Variants in RBMS3 observed in about 807,000 individuals in gnomAD.
RBMS3 encodes the protein RNA-binding motif, single-stranded-interacting protein 3.
Under a neutral mutation model 66.8 loss-of-function variants are expected in RBMS3, and 27 were observed. That is an observed-to-expected ratio of 0.40 (90% CI 0.30 to 0.56). The LOEUF (loss-of-function observed/expected upper bound fraction) is 0.56, where lower values mean the gene tolerates loss of function less well. Among genes scored for constraint, RBMS3 ranks in the 20% least tolerant of loss-of-function variants. The probability of loss-of-function intolerance (pLI) is 0.40; values close to 1 mark genes in which losing one functional copy is unlikely to be tolerated. For synonymous variants in RBMS3, 188 were observed against 183.0 expected (o/e 1.03, Z -0.22); for missense variants, 513 against 549.5 (o/e 0.93, Z 0.66).
chr3:29,856,606 T>C (rs2059083492), intron 6 of RBMS3, among the ~76,000 whole-genome samples: 1 of 152,194 alleles, frequency 6.6e-6, no homozygotes, highest in South Asian at 2.1e-4. Context: ...TCACTCCCAG[T>C]GGAAAAATTG....
intron 12 of RBMS3, among the ~76,000 whole-genome samples, chr3:29,982,758 T>C (rs1698080933): frequency 6.6e-6 from 1 of 152,240 alleles, no homozygotes; most frequent in African/African-American, 2.4e-5. Flanking sequence ...TCTAATTTGA[T>C]TGCACTGTGG....
At chr3:29,395,966 G>GAA (rs2125654612) in intron 1 of RBMS3, among the ~76,000 whole-genome samples, 1 of 152,290 alleles carries the variant, frequency 6.6e-6, no homozygotes, top group Non-Finnish European at 1.5e-5. Context: ...TGAGGAGCAA[G>GAA]ATATTTGCAT....
chr3:29,984,281 T>C (rs35690812), intron 12 of RBMS3, among the ~76,000 whole-genome samples: 26,370 of 151,884 alleles, frequency 0.17, 2,732 homozygotes, highest in East Asian at 0.37. Flanking sequence ...ATGTTCTTTT[T>C]TAAACGGGTT....
intron 4 of RBMS3, among the ~76,000 whole-genome samples, chr3:29,665,069 T>C (rs1293892211): frequency 6.6e-6 from 1 of 152,182 alleles, no homozygotes; most frequent in Non-Finnish European, 1.5e-5. Context: ...TAATACCAGC[T>C]AAAGGAGTGT....
intron 6 of RBMS3, among the ~76,000 whole-genome samples, chr3:29,855,141 T>C (rs567883089): frequency 6.6e-6 from 1 of 152,350 alleles, no homozygotes; most frequent in Admixed American, 6.5e-5. Flanking sequence ...TACATGCTAC[T>C]CTATGCCAGA....
intron 4 of RBMS3, among the ~76,000 whole-genome samples, chr3:29,726,712 A>C (rs769251122): frequency 6.6e-6 from 1 of 152,168 alleles, no homozygotes; most frequent in Non-Finnish European, 1.5e-5. Flanking sequence ...GAGCAGACAC[A>C]AACAAATGGA....
intron 1 of RBMS3, chr3:29,391,054 G>C: frequency 2.6e-6 from 1 of 383,952 alleles, no homozygotes; most frequent in South Asian, 2.2e-5. Flanking sequence ...CCTTTGTGCT[G>C]AACAGCAAAT....
intron 5 of RBMS3, among the ~76,000 whole-genome samples, chr3:29,748,814 T>C (rs2055045606): frequency 6.6e-6 from 1 of 152,208 alleles, no homozygotes; most frequent in Admixed American, 6.5e-5. Context: ...CTTAGTCCTA[T>C]ATCATAAGGA....
intron 4 of RBMS3, among the ~76,000 whole-genome samples, chr3:29,628,792 T>C (rs746305891): frequency 6.6e-6 from 1 of 152,150 alleles, no homozygotes; most frequent in Non-Finnish European, 1.5e-5. Context: ...TTTAAAAATC[T>C]TTTTTGTGTG....
intron 3 of RBMS3, among the ~76,000 whole-genome samples, chr3:29,580,231 T>C (rs1199655717): frequency 2.0e-5 from 3 of 152,204 alleles, no homozygotes; most frequent in Admixed American, 2.0e-4. Context: ...TTCCCCCACC[T>C]GGAAGAAACA....
intron 4 of RBMS3, among the ~76,000 whole-genome samples, chr3:29,687,643 C>T (rs1576525769): frequency 2.0e-5 from 3 of 152,088 alleles, no homozygotes; most frequent in African/African-American, 7.2e-5. Context: ...TCGGGGTATG[C>T]TGTGTTGGTT....
chr3:29,573,691 G>A (rs1265642926), intron 3 of RBMS3, among the ~76,000 whole-genome samples: 3 of 151,752 alleles, frequency 2.0e-5, no homozygotes, highest in African/African-American at 7.3e-5. Context: ...TTTTGATGTA[G>A]GCACTTATAA....
chr3:29,670,744 G>A (rs1037732701), intron 4 of RBMS3, among the ~76,000 whole-genome samples: 41 of 152,214 alleles, frequency 2.7e-4, no homozygotes, highest in Non-Finnish European at 1.9e-4. Flanking sequence ...GGTAAACAAA[G>A]CGGCTGGGAA....
intron 2 of RBMS3, among the ~76,000 whole-genome samples, chr3:29,475,184 G>A (rs2042900944): frequency 6.6e-6 from 1 of 151,994 alleles, no homozygotes; most frequent in African/African-American, 2.4e-5. Flanking sequence ...AAAATTAAGA[G>A]GAATAATTAG....
chr3:29,580,664 G>A (rs906045704), intron 3 of RBMS3, among the ~76,000 whole-genome samples: 14 of 147,752 alleles, frequency 9.5e-5, no homozygotes, highest in African/African-American at 3.5e-4. Flanking sequence ...TGTAGTAGAT[G>A]CTTAGTAAAT....
chr3:29,494,802 T>G (rs571923976), intron 3 of RBMS3, among the ~76,000 whole-genome samples: 5 of 152,314 alleles, frequency 3.3e-5, no homozygotes, highest in African/African-American at 1.2e-4. Context: ...CCACCAGCCT[T>G]ACCACCATCA....
chr3:29,579,380 A>G (rs557424792), intron 3 of RBMS3, among the ~76,000 whole-genome samples: 2 of 152,218 alleles, frequency 1.3e-5, no homozygotes, highest in South Asian at 4.1e-4. Context: ...CCTCCAGTTG[A>G]TACACTGAGG....
At chr3:29,308,043 C>T (rs2034123410) in intron 1 of RBMS3, among the ~76,000 whole-genome samples, 1 of 151,798 alleles carries the variant, frequency 6.6e-6, no homozygotes, top group African/African-American at 2.4e-5. Context: ...ACCACTAAAA[C>T]TTTCTATATA....
rs369303017 is a variant in RBMS3 at position 29,416,416 on chromosome 3, T to A, written c.76-18327T>A. On this transcript the variant is annotated intron_variant, in intron 1 of 14. Coordinates refer to ENST00000383767, the MANE Select transcript of RBMS3 (RefSeq NM_001003793.3). ...TGTATAAAATTTAGATCCCACAAGA[T>A]CCACATTCTTTCCTTAACTGGCAAT... 2.0e-5 allele frequency among the ~76,000 whole-genome samples: 3 copies of A among 152,172 alleles called. No homozygotes were observed. In the East Asian group the frequency reaches 5.8e-4, roughly 29 times the overall value.
Sources: allele counts gnomAD v4.1 joint callset (sites outside exome capture counted in the v4.1 genomes callset), GRCh38; gene constraint gnomAD v4.1.1; transcripts MANE v1.5; gene names NCBI Gene and HGNC (gene_info 2026-07-23, HGNC 2026-07-21).